Variants in NSFL1C observed in about 807,000 individuals in gnomAD.
NSFL1C encodes NSFL1 cofactor p47.
In NSFL1C, 14 loss-of-function variants were observed where a neutral mutation model predicts 43.1. The ratio of observed to expected loss-of-function variants is 0.32; its 90% CI spans 0.21 to 0.51. The LOEUF is 0.51. NSFL1C is among the 20% of genes least tolerant of loss of function. The pLI is 0.98. For missense variants in NSFL1C, 406 were observed against 472.5 expected, an observed-to-expected ratio of 0.86 and a Z score of 1.30; for synonymous variants, 171 against 183.5, an observed-to-expected ratio of 0.93 and a Z score of 0.55.
At chr20:1,446,989 G>C (rs773436624) in intron 7 of NSFL1C, among the ~76,000 whole-genome samples, 9 of 152,228 alleles carry the variant, frequency 5.9e-5, no homozygotes, top group Non-Finnish European at 1.3e-4. Context: ...AGCAGCTTCA[G>C]AGGCCATTGG....
chr20:1,466,786 C>G lies in NSFL1C; in HGVS notation c.39G>C (p.Val13=). The G allele has an allele frequency of 6.4e-7, 1 of 1,563,164 alleles. No individual in the cohort carries two copies. The highest frequency in any genetic ancestry group is 8.6e-7 in the Non-Finnish European group (1 of 1,157,280). The change falls in exon 1 of 9, where the codon GTG becomes GTC. Residue 13 remains valine (V), a synonymous_variant. Coordinates refer to ENST00000216879, the MANE Select transcript of NSFL1C (RefSeq NM_016143.5). ...GGTCCTCCTCGGCGCCCGTCACCGCCACGAACTCCCTCAGCGCCTCCTGTC... is the reference window on the plus strand; with the variant it reads ...GGTCCTCCTCGGCGCCCGTCACCGCGACGAACTCCCTCAGCGCCTCCTGTC... ...AERQEALREF[V]AVTGAEEDRA...
chr20:1,465,938 G>A (rs2090500612), intron 1 of NSFL1C, among the ~76,000 whole-genome samples: 1 of 152,166 alleles, frequency 6.6e-6, no homozygotes, highest in East Asian at 1.9e-4. Context: ...TCAGAACAGC[G>A]CTTGGCTCAT....
chr20:1,447,760 A>T (rs368697749), intron 7 of NSFL1C, among the ~76,000 whole-genome samples: 1 of 99,360 alleles, frequency 1.0e-5, no homozygotes, highest in African/African-American at 4.9e-5. Context: ...AGCTGATATC[A>T]GTTAAGGGGG....
At chr20:1,453,885 G>A (rs1162842748) in intron 5 of NSFL1C, among the ~76,000 whole-genome samples, 2 of 152,108 alleles carry the variant, frequency 1.3e-5, no homozygotes, top group Non-Finnish European at 2.9e-5. Context: ...CTGGTGGTCT[G>A]AAGACCAAGT....
chr20:1,445,544 T>G, intron 8 of NSFL1C, 122 bp downstream of exon 8: 1 of 1,143,438 alleles, frequency 8.7e-7, no homozygotes, highest in Non-Finnish European at 1.3e-6. Context: ...CGTGTCTGCT[T>G]TGGGGAAAGC....
At position 1,452,563 on chromosome 20, in the gene NSFL1C, G is replaced by A. The variant is rs201890755; in HGVS notation, c.715C>T (p.Arg239Trp). The change falls in exon 7 of 9, where the codon CGG becomes TGG. Residue 239 changes from arginine (R) to tryptophan (W), a missense_variant. Physicochemically the swap from Arg to Trp is moderately radical, Grantham distance 101. This residue lies in a region of NSFL1C where 196 missense variants were observed against 228.0 expected (regional missense o/e 0.86). Coordinates refer to ENST00000216879, the MANE Select transcript of NSFL1C (RefSeq NM_016143.5). ...GQVNLDMEDH[R>W]DEDFVKPKGA... ...TTGGGCTTCACAAAGTCCTCGTCCCGATGGTCCTCCATATCCAAGTTCACC... is the reference window on the plus strand; with the variant it reads ...TTGGGCTTCACAAAGTCCTCGTCCCAATGGTCCTCCATATCCAAGTTCACC... 9.9e-6 allele frequency: 16 copies of A among 1,614,158 alleles called. No homozygotes were observed. Among genetic ancestry groups the A allele is most frequent in the Admixed American group, 6.7e-5 (4 of 60,022 alleles).
At chr20:1,466,377 C>T (rs1486536543) in intron 1 of NSFL1C, among the ~76,000 whole-genome samples, 1 of 152,260 alleles carries the variant, frequency 6.6e-6, no homozygotes, top group Admixed American at 6.5e-5. Flanking sequence ...GAGCTGCTCA[C>T]TCGGACCAGC....
At chr20:1,453,761 A>T (rs879750292) in intron 5 of NSFL1C, among the ~76,000 whole-genome samples, 10 of 152,300 alleles carry the variant, frequency 6.6e-5, no homozygotes, top group Admixed American at 6.5e-4. Context: ...AAGACTCAAA[A>T]TTGTGTGTAT....
At chr20:1,464,670 A>T (rs1043115840) in intron 1 of NSFL1C, among the ~76,000 whole-genome samples, 2 of 152,256 alleles carry the variant, frequency 1.3e-5, no homozygotes, top group African/African-American at 4.8e-5. Flanking sequence ...GACACTCTTT[A>T]TTCTCATTTT....
rs762930021 is a variant in NSFL1C at position 1,455,063 on chromosome 20, G to C, written c.348C>G (p.Asn116Lys). ...IVGPPRKKSP[N>K]ELVDDLFKGA... ...CTTTAAAGAGATCATCCACCAGCTC[G>C]TTGGGACTTTTCTTCCTGGGAGGGC... Residue 116 changes from asparagine (N) to lysine (K), a missense_variant, in exon 4 of 9, where the codon AAC becomes AAG. Physicochemically the swap from Asn to Lys is moderately conservative, Grantham distance 94. Around this residue, in one of 3 missense-constraint regions of NSFL1C, gnomAD observed 203 missense variants for 216.3 expected, o/e 0.94. Coordinates refer to ENST00000216879, the MANE Select transcript of NSFL1C (RefSeq NM_016143.5). 13 of 1,613,970 alleles carry C rather than the reference G, an allele frequency of 8.1e-6. No homozygotes were observed. Among genetic ancestry groups the C allele is most frequent in the African/African-American group, 2.7e-5 (2 of 74,882 alleles).
In NSFL1C at chr20:1,443,665, A is replaced by G; in HGVS notation, c.*84T>C. 2 of 1,462,382 alleles carry G rather than the reference A, an allele frequency of 1.4e-6. No homozygotes were observed. The highest frequency in any genetic ancestry group is 1.9e-6 in the Non-Finnish European group (2 of 1,054,192). The allele number at this position is 1,462,382 out of a possible 1,614,324, so 90.6% of individuals were successfully genotyped here. On this transcript the variant is annotated 3_prime_UTR_variant, in exon 9 of 9. Transcript: ENST00000216879. ...TGCACTGGACTGCTGGGTGTGCACAAGGGGGCAGGAGGGGCGATCCCCATG... is the reference window on the plus strand; with the variant it reads ...TGCACTGGACTGCTGGGTGTGCACAGGGGGGCAGGAGGGGCGATCCCCATG...
chr20:1,447,527 G>T, intron 7 of NSFL1C, among the ~76,000 whole-genome samples: 1 of 115,304 alleles, frequency 8.7e-6, no homozygotes, highest in Admixed American at 8.3e-5. Flanking sequence ...AAGTGGCCCA[G>T]GGAAGCCAAA....
chr20:1,461,353 A>G (rs2090408092), intron 2 of NSFL1C, among the ~76,000 whole-genome samples: 2 of 152,238 alleles, frequency 1.3e-5, no homozygotes, highest in South Asian at 2.1e-4. Flanking sequence ...GCCTGGTCAC[A>G]GGGTTAGCAA....
At chr20:1,461,763 A>C (rs1408800562) in intron 2 of NSFL1C, among the ~76,000 whole-genome samples, 1 of 152,188 alleles carries the variant, frequency 6.6e-6, no homozygotes, top group Non-Finnish European at 1.5e-5. Context: ...TAGGAATAGT[A>C]CTAACCTCAG....
rs754762202 is a variant in NSFL1C at position 1,464,431 on chromosome 20, AAC to A, written c.106-7_106-6del. The A allele has an allele frequency of 1.7e-5, 28 of 1,613,682 alleles. No homozygotes were observed. Among genetic ancestry groups the A allele is most frequent in the Middle Eastern group, 1.6e-4 (1 of 6,084 alleles). ...ATAAAAGCTCGCTAGCGCGATCTGA[AAC>A]AGAGAGGTAGTACCTTGGGACCCTT... On this transcript the variant is annotated splice_region_variant and splice_polypyrimidine_tract_variant and intron_variant, in intron 1 of 8. Transcript: ENST00000216879.
In NSFL1C at chr20:1,450,568, T is replaced by C. The variant is rs117556016; in HGVS notation, c.785+1925A>G. Among the ~76,000 whole-genome samples, 643 of 152,356 alleles carry C rather than the reference T, an allele frequency of 4.2e-3. 4 individuals are homozygous for C. The highest frequency in any genetic ancestry group is 6.0e-3 in the Non-Finnish European group (411 of 68,034). ...CACATAATATGGTTAGACTTTCCAATAGAAACATTTCCTGTTAGTATTATA... is the reference window on the plus strand; with the variant it reads ...CACATAATATGGTTAGACTTTCCAACAGAAACATTTCCTGTTAGTATTATA... On this transcript the variant is annotated intron_variant, in intron 7 of 8. Transcript: ENST00000216879.
At chr20:1,455,363 A>C (rs1315533904) in intron 3 of NSFL1C, among the ~76,000 whole-genome samples, 1 of 152,186 alleles carries the variant, frequency 6.6e-6, no homozygotes, top group Admixed American at 6.5e-5. Flanking sequence ...GCTTCCTTTA[A>C]GGGTGTCTTC....
chr20:1,458,693 C>T (rs924622636), intron 2 of NSFL1C, among the ~76,000 whole-genome samples: 2 of 151,768 alleles, frequency 1.3e-5, no homozygotes, highest in Non-Finnish European at 2.9e-5. Flanking sequence ...ATATTTGGAC[C>T]AACTGCCAAA....
chr20:1,457,516 A>G (rs1394115144), intron 3 of NSFL1C, among the ~76,000 whole-genome samples: 1 of 152,210 alleles, frequency 6.6e-6, no homozygotes, highest in Non-Finnish European at 1.5e-5. Flanking sequence ...CATGCTGTGC[A>G]AGAGATCTAA....
Sources: allele counts gnomAD v4.1 joint callset (sites outside exome capture counted in the v4.1 genomes callset), GRCh38; gene constraint gnomAD v4.1.1; regional missense constraint gnomAD v4.1.1; transcripts MANE v1.5; gene names NCBI Gene and HGNC (gene_info 2026-07-23, HGNC 2026-07-21).